Variants in PEAR1 observed in about 807,000 individuals in gnomAD.
The protein encoded by PEAR1 is platelet endothelial aggregation receptor 1.
PEAR1 carries 113 observed loss-of-function variants against 131.2 expected under a neutral mutation model. The observed-to-expected ratio is 0.86, with a 90% CI of 0.74 to 1.01. The LOEUF (loss-of-function observed/expected upper bound fraction) is 1.01. PEAR1 is among the 50% of genes least tolerant of loss of function. PEAR1 has a pLI of 0.00. For missense variants in PEAR1, 1,408 were observed against 1,391.1 expected (o/e 1.01, Z -0.19); for synonymous variants, 565 against 523.3 (o/e 1.08, Z -1.09).
chr1:156,908,095 G>C lies in PEAR1; in HGVS notation c.903-33G>C. ...GCGGGAGACGGGAGGGAGGAGGTGG[G>C]GCGCCGCCAGGCTCACTCAGCTAGG... On this transcript the variant is annotated intron_variant, in intron 8 of 22. Coordinates refer to ENST00000292357, the MANE Select transcript of PEAR1 (RefSeq NM_001080471.3). This position sits in a 1 kb window ranked among gnomAD's most constrained non-coding sequence, Gnocchi z 4.2. The C allele has an allele frequency of 6.3e-7, 1 of 1,580,498 alleles. No individual in the cohort carries two copies. The highest frequency in any genetic ancestry group is 8.6e-7 in the Non-Finnish European group (1 of 1,163,084).
In PEAR1 at chr1:156,909,921, G is replaced by T; in HGVS notation, c.1575+7G>T. 1 of 1,611,238 alleles carries T rather than the reference G, an allele frequency of 6.2e-7. No homozygotes were observed. The highest frequency in any genetic ancestry group is 8.5e-7 in the Non-Finnish European group (1 of 1,178,696). On this transcript the variant is annotated splice_region_variant and intron_variant, in intron 12 of 22. Coordinates refer to ENST00000292357, the MANE Select transcript of PEAR1 (RefSeq NM_001080471.3). Reference sequence around the variant, plus strand: ...CTGCCAGCTGCCCTGTCCGGTGAGTGCTGGACAGCCTGTCTGCCTGGGGGT... The same window carrying T: ...CTGCCAGCTGCCCTGTCCGGTGAGTTCTGGACAGCCTGTCTGCCTGGGGGT...
rs1403887082 is a variant in PEAR1 at position 156,908,023 on chromosome 1, C to T, written c.874C>T (p.Arg292Cys). The change falls in exon 8 of 23, where the codon CGC becomes TGC. Residue 292 changes from arginine (R) to cysteine (C), a missense_variant. Physicochemically the swap from Arg to Cys is radical, Grantham distance 180. Coordinates refer to ENST00000292357, the MANE Select transcript of PEAR1 (RefSeq NM_001080471.3). The surrounding 1 kb of genome is among the most constrained non-coding windows in gnomAD (Gnocchi z 4.2). ...CTGTGACCGATTCACTGGGCAGTGC[C>T]GCTGCGCTCCGGGTTACACTGGGGA... Reference protein sequence around the residue: ...GLCDRFTGQCRCAPGYTGDRC... With the variant: ...GLCDRFTGQCCCAPGYTGDRC... 6.6e-6 allele frequency: 10 copies of T among 1,523,006 alleles called. No individual in the cohort carries two copies. Among genetic ancestry groups the T allele is most frequent in the Admixed American group, 1.9e-5 (1 of 51,740 alleles). 94.3% of individuals were successfully genotyped at this position (1,523,006 alleles called of 1,614,324 possible). A position where few individuals can be genotyped will look rare whatever the true frequency, so the allele number is the denominator to read the frequency against.
At chr1:156,906,545 GGGCTGGGAGACAGA>G (rs1050526329) in intron 5 of PEAR1, 78 bp from the exon 6 acceptor site, 92 of 1,572,162 alleles carry the variant, frequency 5.9e-5, no homozygotes, top group Non-Finnish European at 7.1e-5. Flanking sequence ...GGGCCTGTGG[GGGCTGGGAGACAGA>G]GGCTGGGAGA....
At chr1:156,912,689 A>G in intron 17 of PEAR1, 67 bp downstream of exon 17, 1 of 1,609,944 alleles carries the variant, frequency 6.2e-7, no homozygotes, top group Non-Finnish European at 8.5e-7. Context: ...CCCCTCATAC[A>G]GTCCCTACTT....
In PEAR1 at chr1:156,913,949, C is replaced by T. The variant is rs140342582; in HGVS notation, c.2811C>T (p.Gly937=). The T allele has an allele frequency of 1.5e-5, 25 of 1,613,770 alleles. No individual in the cohort carries two copies. The highest frequency in any genetic ancestry group is 1.8e-5 in the Non-Finnish European group (21 of 1,179,956). ...GGGACCTGCCCAGCTTGCCAGGGGG[C>T]CCCCGGGAGAGCAGCTACATGGAGA... The part of the protein sequence containing the change: ...TIRDLPSLPG[G]PRESSYMEMK... The change falls in exon 22 of 23, where the codon GGC becomes GGT. Residue 937 remains glycine, a synonymous_variant. Transcript: ENST00000292357.
intron 4 of PEAR1, among the ~76,000 whole-genome samples, chr1:156,905,706 G>C (rs1044269007): frequency 6.6e-6 from 1 of 152,072 alleles, no homozygotes; most frequent in Admixed American, 6.5e-5. Flanking sequence ...CTGCCCTAGA[G>C]CTCTTGTTCT....
At position 156,908,352 on chromosome 1, in the gene PEAR1, G is replaced by A; in HGVS notation, c.1115+12G>A. 6.7e-7 allele frequency: 1 copy of A among 1,499,274 alleles called. No homozygotes were observed. The highest frequency in any genetic ancestry group is 8.9e-7 in the Non-Finnish European group (1 of 1,124,184). The allele number at this position is 1,499,274 out of a possible 1,614,324, so 92.9% of individuals were successfully genotyped here. On this transcript the variant is annotated intron_variant, in intron 9 of 22. Transcript: ENST00000292357. The surrounding 1 kb of genome is among the most constrained non-coding windows in gnomAD (Gnocchi z 4.2). The stretch of plus-strand genomic sequence containing the variant: ...GAGCACAGCCTCAGGTGGGCCGCGG[G>A]ACATGTGGTCAAAGGATCAGGAGGC...
chr1:156,914,590 G>A, intron 22 of PEAR1, 57 bp from the exon 23 acceptor site: 5 of 1,539,920 alleles, frequency 3.2e-6, no homozygotes, highest in Non-Finnish European at 4.4e-6. Context: ...GGAGTGGAGG[G>A]AGTGGGGAGA....
intron 11 of PEAR1, among the ~76,000 whole-genome samples, chr1:156,909,284 T>C (rs989561431): frequency 1.3e-5 from 2 of 152,114 alleles, no homozygotes; most frequent in African/African-American, 4.8e-5. Context: ...CTGGCGAACG[T>C]CCCTCACCCT....
In PEAR1 at chr1:156,902,043, T is replaced by A. The variant is rs1649734606; in HGVS notation, c.-9-1875T>A. 1 of 152,152 alleles carries A rather than the reference T, an allele frequency of 6.6e-6. No homozygotes were observed. The highest frequency in any genetic ancestry group is 1.5e-5 in the Non-Finnish European group (1 of 68,050). 9.4% of individuals were successfully genotyped at this position (152,152 alleles called of 1,614,324 possible). ...TCAGAGGGGGCCACAGTGTCAGCTC[T>A]GGAGACAAGCTGCCAGAAAGAGGCT... On this transcript the variant is annotated intron_variant, in intron 1 of 22. Transcript: ENST00000292357. The surrounding 1 kb of genome is among the most constrained non-coding windows in gnomAD (Gnocchi z 4.3).
At position 156,908,033 on chromosome 1, in the gene PEAR1, C is replaced by CAGT. The variant is rs1558135846; in HGVS notation, c.884_885insAGT (p.Pro295_Gly296insVal). 7.2e-7 allele frequency: 1 copy of CAGT among 1,389,964 alleles called. No individual in the cohort carries two copies. The highest frequency in any genetic ancestry group is 2.9e-5 in the East Asian group (1 of 34,972). The allele number at this position is 1,389,964 out of a possible 1,614,324, so 86.1% of individuals were successfully genotyped here. ...TTCACTGGGCAGTGCCGCTGCGCTCCGGGTTACACTGGGGATCGGTGAGTG... is the reference window on the plus strand; with the variant it reads ...TTCACTGGGCAGTGCCGCTGCGCTCCAGTGGGTTACACTGGGGATCGGTGAGTG... On this transcript the variant is annotated inframe_insertion, in exon 8 of 23. Transcript: ENST00000292357. This position sits in a 1 kb window ranked among gnomAD's most constrained non-coding sequence, Gnocchi z 4.2.
intron 11 of PEAR1, 69 bp from the exon 12 acceptor site, chr1:156,909,682 G>A (rs1650814561): frequency 2.6e-6 from 4 of 1,523,936 alleles, no homozygotes; most frequent in African/African-American, 2.7e-5. Flanking sequence ...GGCCCAGCCA[G>A]CTCCCACTGT....
rs371907839 is a variant in PEAR1, at chr1:156,906,752, G to T, written c.516G>T (p.Pro172=). The T allele has an allele frequency of 6.2e-7, 1 of 1,614,220 alleles. No homozygotes were observed. Among genetic ancestry groups the T allele is most frequent in the South Asian group, 1.1e-5 (1 of 91,084 alleles). The change falls in exon 6 of 23, where the codon CCG becomes CCT. Residue 172 remains proline, a synonymous_variant. Coordinates refer to ENST00000292357, the MANE Select transcript of PEAR1 (RefSeq NM_001080471.3). ...CTTGCCCTTCTGGTCTGCAGCCCCCGAACTGCCTTCAGCCCTGTACCCCTG... is the reference window on the plus strand; with the variant it reads ...CTTGCCCTTCTGGTCTGCAGCCCCCTAACTGCCTTCAGCCCTGTACCCCTG... ...VCSCPSGLQP[P]NCLQPCTPGY...
At chr1:156,904,715 C>T in intron 2 of PEAR1, 33 bp from the exon 3 acceptor site, 1 of 1,572,296 alleles carries the variant, frequency 6.4e-7, no homozygotes, top group South Asian at 1.2e-5. Context: ...CCTCCTCCTG[C>T]CCTCGGCCCT....
Position 156,905,466 on chromosome 1 carries a change from A to T in PEAR1, c.307+42A>T. 4 of 1,527,654 alleles carry T rather than the reference A, an allele frequency of 2.6e-6. No homozygotes were observed. The South Asian group carries it at 4.9e-5, about 19-fold the overall frequency. 94.6% of individuals were successfully genotyped at this position (1,527,654 alleles called of 1,614,324 possible). On this transcript the variant is annotated intron_variant, in intron 4 of 22. Transcript: ENST00000292357. ...GTTAGGGAGCGGGGTGGGGCAATGG[A>T]ATGCGGGGAGCTTAGCCTACTCTTC...
chr1:156,904,624 G>A (rs953268663), intron 2 of PEAR1, 124 bp from the exon 3 acceptor site: 5 of 978,230 alleles, frequency 5.1e-6, no homozygotes, highest in East Asian at 2.5e-5. Context: ...CCTAGGCTAC[G>A]AGAGCAGCCC....
intron 1 of PEAR1, among the ~76,000 whole-genome samples, chr1:156,898,624 G>A (rs1479315407): frequency 6.6e-6 from 1 of 152,218 alleles, no homozygotes; most frequent in African/African-American, 2.4e-5. Context: ...GAAGGACTAA[G>A]TGATCCTGTC....
In PEAR1 at chr1:156,913,440, G is replaced by C. The variant is rs1489614535; in HGVS notation, c.2561G>C (p.Gly854Ala). The C allele has an allele frequency of 6.2e-7, 1 of 1,613,842 alleles. No homozygotes were observed. ...ASLQNPERPG[G>A]AQGHDNHTTL... ...CTGCAGAACCCTGAGCGGCCAGGTGGGGCCCAAGGGCATGATAACCACACC... is the reference window on the plus strand; with the variant it reads ...CTGCAGAACCCTGAGCGGCCAGGTGCGGCCCAAGGGCATGATAACCACACC... The change falls in exon 20 of 23, where the codon GGG becomes GCG. Residue 854 changes from glycine (G) to alanine (A), a missense_variant. Coordinates refer to ENST00000292357, the MANE Select transcript of PEAR1 (RefSeq NM_001080471.3).
chr1:156,907,900 C>G lies in PEAR1; in HGVS notation c.766-15C>G. 2 of 1,597,154 alleles carry G rather than the reference C, an allele frequency of 1.3e-6. No individual in the cohort carries two copies. The highest frequency in any genetic ancestry group is 1.7e-6 in the Non-Finnish European group (2 of 1,170,498). ...GCTGGGTGCCTGGGGCCCTGTTGAC[C>G]TCTTATCCCCACAGGGCACCATCTG... On this transcript the variant is annotated splice_polypyrimidine_tract_variant and intron_variant, in intron 7 of 22. Transcript: ENST00000292357.
Sources: gnomAD v4.1 joint callset for allele counts (sites outside exome capture counted in the v4.1 genomes callset) on GRCh38, gnomAD v4.1.1 for gene constraint, Gnocchi (gnomAD v3.1) non-coding constraint, MANE v1.5 for transcripts, NCBI Gene and HGNC (gene_info 2026-07-23, HGNC 2026-07-21) for gene names.